Variants in EXPH5 observed in about 807,000 individuals in gnomAD.
EXPH5 encodes exophilin-5.
A neutral mutation model predicts 41.1 loss-of-function variants in EXPH5; 42 were observed. The observed-to-expected ratio is 1.02, with a 90% CI of 0.80 to 1.32. EXPH5 has a LOEUF of 1.32. Ranked by LOEUF, EXPH5 falls within the 40% of genes most tolerant of loss-of-function variation. The pLI is 0.00. For missense variants in EXPH5, 2,298 were observed against 2,314.5 expected, an observed-to-expected ratio of 0.99 and a Z score of 0.15; for synonymous variants, 798 against 833.5, an observed-to-expected ratio of 0.96 and a Z score of 0.73.
At chr11:108,581,318 A>T (rs531669100) in intron 1 of EXPH5, among the ~76,000 whole-genome samples, 23 of 151,802 alleles carry the variant, frequency 1.5e-4, no homozygotes, top group East Asian at 1.9e-4. Context: ...AAAAGAAAAA[A>T]ATATATATAT....
Position 108,512,368 on chromosome 11 carries a change from TC to T in EXPH5, c.3138del (p.Asn1047MetfsTer21), listed in dbSNP as rs745998239. The T allele has an allele frequency of 2.2e-5, 36 of 1,610,462 alleles. No homozygotes were observed. The highest frequency in any genetic ancestry group is 3.0e-5 in the Non-Finnish European group (35 of 1,178,692). Reference protein sequence around the residue: ...SGSKIMAASLRNGPPPFQIKN... With the variant: ...SGSKIMAASLXNGPPPFQIKN... ...TTGATTTGGAAGGGAGGTGGCCCAT[TC>T]CTCAATGAAGCAGCCATTATTTTAC... On this transcript the variant is annotated frameshift_variant, in exon 6 of 6. Coordinates refer to ENST00000265843, the MANE Select transcript of EXPH5 (RefSeq NM_015065.3). LOFTEE classifies it low-confidence loss of function (END_TRUNC).
chr11:108,605,669 G>A, the EXPH5 span, among the ~76,000 whole-genome samples: 11 of 152,330 alleles, frequency 7.2e-5, no homozygotes, highest in African/African-American at 2.4e-4. Flanking sequence ...TAGGTTGTGG[G>A]ATACACTCTG....
intron 1 of EXPH5, among the ~76,000 whole-genome samples, chr11:108,570,748 G>A (rs568390253): frequency 1.2e-4 from 18 of 152,224 alleles, no homozygotes; most frequent in African/African-American, 4.1e-4. Context: ...GTCTCGCTAC[G>A]TTGTTCAGGC....
intron 4 of EXPH5, among the ~76,000 whole-genome samples, chr11:108,522,203 TTA>T (rs200824265): frequency 4.0e-5 from 6 of 151,048 alleles, no homozygotes; most frequent in African/African-American, 1.5e-4. Context: ...TTTTTTTTTT[TTA>T]AAAAAGGAAC....
In EXPH5 at chr11:108,527,055, C is replaced by T. The variant is rs114204915; in HGVS notation, c.492+1081G>A. On this transcript the variant is annotated intron_variant, in intron 4 of 5. Transcript: ENST00000265843. ...CTGTTTCCAGTTGGGCATGGTGACT[C>T]ACGCCTGTAATCCCAGCACTTTGGG... Among the ~76,000 whole-genome samples, 329 of 152,232 alleles carry T rather than the reference C, an allele frequency of 2.2e-3. 1 individual carries two copies. The highest frequency in any genetic ancestry group is 7.6e-3 in the African/African-American group (314 of 41,548).
chr11:108,531,314 C>A (rs10890855), intron 3 of EXPH5, among the ~76,000 whole-genome samples: 44,650 of 152,074 alleles, frequency 0.29, 8,754 homozygotes, highest in African/African-American at 0.56. Flanking sequence ...ACATGAGGCC[C>A]GGCGCAGTGG....
chr11:108,508,454 C>T lies in EXPH5; in HGVS notation c.*1083G>A. On this transcript the variant is annotated 3_prime_UTR_variant, in exon 6 of 6. Transcript: ENST00000265843. ...CCCGGGAGGCGGAGGTTGCAGTGAG[C>T]CCAGATCATGCCACTGCACTCCAGC... The T allele has an allele frequency of 6.5e-6, 1 of 152,840 alleles. No individual in the cohort carries two copies. 9.5% of individuals were successfully genotyped at this position (152,840 alleles called of 1,614,324 possible).
At chr11:108,583,588 G>A (rs570569277) in intron 1 of EXPH5, among the ~76,000 whole-genome samples, 127 of 151,744 alleles carry the variant, frequency 8.4e-4, no homozygotes, top group African/African-American at 3.0e-3. Flanking sequence ...TTGGGAGGCC[G>A]AGGCGGGTGG....
chr11:108,518,401 T>C, intron 4 of EXPH5, 28 bp from the exon 5 acceptor site: 1 of 1,608,682 alleles, frequency 6.2e-7, no homozygotes, highest in Non-Finnish European at 8.5e-7. Flanking sequence ...AACACAATAT[T>C]ATTTCTGAGC....
rs555772164 is a variant in EXPH5, at chr11:108,572,562, G to T, written c.119+20856C>A. On this transcript the variant is annotated intron_variant, in intron 1 of 5. Coordinates refer to ENST00000265843, the MANE Select transcript of EXPH5 (RefSeq NM_015065.3). ...ATTTTTATTTTTAGTTTTAGTTATT[G>T]ATTTATTTATTTTGAGACAGAGTTT... Among the ~76,000 whole-genome samples, 4 of 152,112 alleles carry T rather than the reference G, an allele frequency of 2.6e-5. No homozygotes were observed. The South Asian group carries it at 8.3e-4, about 32-fold the overall frequency.
At chr11:108,523,260 A>C (rs1277261851) in intron 4 of EXPH5, among the ~76,000 whole-genome samples, 1 of 152,110 alleles carries the variant, frequency 6.6e-6, no homozygotes, top group Non-Finnish European at 1.5e-5. Flanking sequence ...CCTTATAACA[A>C]ATTTGTGAAT....
intron 1 of EXPH5, among the ~76,000 whole-genome samples, chr11:108,549,010 G>T (rs2093951681): frequency 6.6e-6 from 1 of 152,166 alleles, no homozygotes; most frequent in South Asian, 2.1e-4. Context: ...CCTGCACAAC[G>T]CTCTTCCTCT....
intron 1 of EXPH5, among the ~76,000 whole-genome samples, chr11:108,589,832 G>A (rs2094123190): frequency 6.6e-6 from 1 of 152,080 alleles, no homozygotes; most frequent in East Asian, 1.9e-4. Flanking sequence ...CAAAATACTC[G>A]ACCTTTTTTA....
intron 1 of EXPH5, among the ~76,000 whole-genome samples, chr11:108,552,726 C>T (rs1003712625): frequency 2.0e-5 from 3 of 152,114 alleles, no homozygotes; most frequent in Non-Finnish European, 2.9e-5. Context: ...AGACCAGCAA[C>T]GTACTGAGAC....
In EXPH5 at chr11:108,514,065, CA is replaced by C. The variant is rs1243483275; in HGVS notation, c.1441del (p.Trp481GlyfsTer29). On this transcript the variant is annotated frameshift_variant, in exon 6 of 6. Transcript: ENST00000265843. LOFTEE classifies it low-confidence loss of function (END_TRUNC). ...GAAAGAATGTCCTTTCTCTTGGCCC[CA>C]AAAAGGACCTTGTCCAAATCTCCTC... is the stretch of plus-strand genomic sequence containing the variant. Reference protein sequence around the residue: ...EQRRFGQGPFWGQEKGHSFWS... With the variant: ...EQRRFGQGPFXGQEKGHSFWS... The C allele has an allele frequency of 6.2e-7, 1 of 1,613,730 alleles. No individual in the cohort carries two copies. The highest frequency in any genetic ancestry group is 8.5e-7 in the Non-Finnish European group (1 of 1,179,944).
At chr11:108,578,582 T>G (rs1464636583) in intron 1 of EXPH5, among the ~76,000 whole-genome samples, 1 of 152,182 alleles carries the variant, frequency 6.6e-6, no homozygotes, top group South Asian at 2.1e-4. Context: ...TTCATTGATA[T>G]TATAATAGGT....
intron 3 of EXPH5, among the ~76,000 whole-genome samples, chr11:108,531,172 C>G (rs138788946): frequency 9.7e-4 from 147 of 152,330 alleles, no homozygotes; most frequent in African/African-American, 3.3e-3. Flanking sequence ...TGACAGTCAA[C>G]TTTCACAATT....
intron 1 of EXPH5, among the ~76,000 whole-genome samples, chr11:108,573,623 A>G (rs1383879801): frequency 1.3e-5 from 2 of 152,236 alleles, no homozygotes; most frequent in East Asian, 3.8e-4. Flanking sequence ...AGGGCCTCAG[A>G]AGGAGATGGA....
rs1394419247 is a variant in EXPH5 at position 108,593,484 on chromosome 11, G to A, written c.53C>T (p.Ala18Val). 1.2e-6 allele frequency: 2 copies of A among 1,614,138 alleles called. No homozygotes were observed. The highest frequency in any genetic ancestry group is 1.1e-5 in the South Asian group (1 of 91,082). The change falls in exon 1 of 6, where the codon GCC (alanine) becomes GTC (valine). Residue 18 changes from alanine (A) to valine (V), a missense_variant. By Grantham distance (64) the Ala-to-Val change is moderately conservative (BLOSUM62 0). Coordinates refer to ENST00000265843, the MANE Select transcript of EXPH5 (RefSeq NM_015065.3). ...TTCCAGCACCTGAAGGATCTTCCTG[G>A]CCTCTTCGTCATTTAAGAAACTGAA... The part of the protein sequence containing the change: ...FDFSFLNDEE[A>V]RKILQVLERN...
Sources: allele counts gnomAD v4.1 joint callset (sites outside exome capture counted in the v4.1 genomes callset), GRCh38; gene constraint gnomAD v4.1.1; transcripts MANE v1.5; gene names NCBI Gene and HGNC (gene_info 2026-07-23, HGNC 2026-07-21).